Variants in WDR35 observed in about 807,000 individuals in gnomAD.
WDR35 encodes WD repeat domain 35, also known as WD repeat-containing protein 35.
WDR35 carries 118 observed loss-of-function variants against 158.3 expected under a neutral mutation model. The observed-to-expected ratio is 0.75, with a 90% CI of 0.64 to 0.87. The LOEUF (loss-of-function observed/expected upper bound fraction) is 0.87. WDR35 is among the 40% of genes least tolerant of loss of function. The pLI, the probability that WDR35 is intolerant of heterozygous loss-of-function variation, is 0.00. For missense variants in WDR35, 1,263 were observed against 1,405.8 expected, an observed-to-expected ratio of 0.90 and a Z score of 1.62; for synonymous variants, 448 against 476.1, an observed-to-expected ratio of 0.94 and a Z score of 0.77.
chr2:19,931,954 T>C (rs1467703743), intron 23 of WDR35, among the ~76,000 whole-genome samples: 1 of 152,152 alleles, frequency 6.6e-6, no homozygotes, highest in African/African-American at 2.4e-5. Flanking sequence ...AACTTGTACA[T>C]TTAAAAGAAC....
At position 19,978,799 on chromosome 2, in the gene WDR35, T is replaced by C. The variant is rs1672292696; in HGVS notation, c.388A>G (p.Ile130Val). 1.2e-6 allele frequency: 2 copies of C among 1,613,916 alleles called. No individual in the cohort carries two copies. Among genetic ancestry groups the C allele is most frequent in the African/African-American group, 2.7e-5 (2 of 75,042 alleles). The change falls in exon 5 of 27, where the codon ATC (isoleucine) becomes GTC (valine). Residue 130 changes from isoleucine (I) to valine (V), a missense_variant. Ile to Val is a conservative substitution (Grantham distance 29, BLOSUM62 3). Coordinates refer to ENST00000281405, the MANE Select transcript of WDR35 (RefSeq NM_020779.4). The part of the protein sequence containing the change: ...SMSWNADGQK[I>V]CIVYEDGAVI... The stretch of plus-strand genomic sequence containing the variant: ...GCCCCATCTTCATATACAATGCAGA[T>C]CTTCTGTCCGTCAGCATTCCAGCTC...
At chr2:19,962,058 C>T (rs532203293) in intron 10 of WDR35, among the ~76,000 whole-genome samples, 3 of 152,282 alleles carry the variant, frequency 2.0e-5, no homozygotes, top group Admixed American at 6.5e-5. Flanking sequence ...ATTCCCAGGA[C>T]CCTCAGTTCT....
rs1553325126 is a variant in WDR35 at position 19,985,896 on chromosome 2, C to CG, written c.142+3268dup. Among the ~76,000 whole-genome samples, 159 of 59,806 alleles carry CG rather than the reference C, an allele frequency of 2.7e-3. 1 individual carries two copies. Among genetic ancestry groups the CG allele is most frequent in the African/African-American group, 7.9e-3 (115 of 14,562 alleles). 39.2% of individuals were successfully genotyped at this position (59,806 alleles called of 152,430 possible). Reference sequence around the variant, plus strand: ...TGGGCAACAGAGTGAGACCCCATCTCGGGAAAAAAAAAAAAAAAAAAAAAA... The same window carrying CG: ...TGGGCAACAGAGTGAGACCCCATCTCGGGGAAAAAAAAAAAAAAAAAAAAAA... On this transcript the variant is annotated intron_variant, in intron 2 of 26. Transcript: ENST00000281405.
At chr2:19,917,131 C>T (rs1279093344) in intron 25 of WDR35, among the ~76,000 whole-genome samples, 1 of 152,176 alleles carries the variant, frequency 6.6e-6, no homozygotes, top group African/African-American at 2.4e-5. Flanking sequence ...CAAACTCCAG[C>T]AGACCTGCTG....
chr2:19,958,102 C>A (rs1290359514), intron 11 of WDR35, among the ~76,000 whole-genome samples: 10 of 152,194 alleles, frequency 6.6e-5, no homozygotes, highest in Admixed American at 6.5e-4. Flanking sequence ...ATTGAAATTT[C>A]ACTGAAATGT....
intron 10 of WDR35, among the ~76,000 whole-genome samples, chr2:19,964,657 C>T (rs1387689854): frequency 2.6e-5 from 4 of 151,828 alleles, no homozygotes; most frequent in Non-Finnish European, 1.5e-5. Context: ...GTGGCCTGTT[C>T]ACTCTTTTTA....
In WDR35 at chr2:19,946,469, G is replaced by T; in HGVS notation, c.1626C>A (p.Cys542Ter). The change falls in exon 15 of 27, where the codon TGC (cysteine) becomes TGA (stop). Residue 542 changes from cysteine (C) to a stop codon, truncating the protein, a stop_gained. Coordinates refer to ENST00000281405, the MANE Select transcript of WDR35 (RefSeq NM_020779.4). LOFTEE classifies it high-confidence loss of function. The part of the protein sequence containing the change: ...NCRAYQLSLN[C>*]NSSRLAIIDI... Reference sequence around the variant, plus strand: ...AGAGTTTTCAGGCTTACCTAGAGTTGCAATTCAAGGATAACTGGTAGGCTC... The same window carrying T: ...AGAGTTTTCAGGCTTACCTAGAGTTTCAATTCAAGGATAACTGGTAGGCTC... The T allele has an allele frequency of 6.2e-7, 1 of 1,613,068 alleles. No individual in the cohort carries two copies.
At chr2:19,924,106 G>A (rs1336762554) in intron 25 of WDR35, among the ~76,000 whole-genome samples, 2 of 152,192 alleles carry the variant, frequency 1.3e-5, no homozygotes, top group African/African-American at 4.8e-5. Context: ...AGATGCACAA[G>A]TGGTCATGCA....
intron 16 of WDR35, among the ~76,000 whole-genome samples, chr2:19,943,804 T>G (rs968450888): frequency 6.6e-6 from 1 of 152,114 alleles, no homozygotes; most frequent in Admixed American, 6.6e-5. Flanking sequence ...AATATTCATC[T>G]CCTAATTCTC....
chr2:19,978,192 A>G (rs1672269505), intron 5 of WDR35, among the ~76,000 whole-genome samples: 1 of 142,716 alleles, frequency 7.0e-6, no homozygotes, highest in East Asian at 2.3e-4. Context: ...ACACACACAC[A>G]CAGACACACA....
At chr2:19,949,196 A>G (rs577442720) in intron 13 of WDR35, among the ~76,000 whole-genome samples, 2 of 152,330 alleles carry the variant, frequency 1.3e-5, no homozygotes, top group South Asian at 4.1e-4. Flanking sequence ...TTAATAAAAA[A>G]TTTTAAAAAC....
At chr2:19,959,944 G>T (rs1160379134) in intron 11 of WDR35, among the ~76,000 whole-genome samples, 1 of 152,024 alleles carries the variant, frequency 6.6e-6, no homozygotes, top group African/African-American at 2.4e-5. Context: ...CTTAGAATAA[G>T]ATTTGGAATT....
chr2:19,968,509 A>C (rs1444298894), intron 9 of WDR35, among the ~76,000 whole-genome samples: 2 of 152,182 alleles, frequency 1.3e-5, no homozygotes. Context: ...GGTCACAATA[A>C]AATAATACAT....
At chr2:19,929,123 T>A (rs1053908774) in intron 25 of WDR35, among the ~76,000 whole-genome samples, 1 of 152,208 alleles carries the variant, frequency 6.6e-6, no homozygotes, top group Non-Finnish European at 1.5e-5. Context: ...GATACTATTA[T>A]CCTTTCTTTA....
chr2:19,971,738 T>C (rs1672039499), intron 8 of WDR35, among the ~76,000 whole-genome samples: 1 of 152,174 alleles, frequency 6.6e-6, no homozygotes, highest in South Asian at 2.1e-4. Flanking sequence ...TACAGTACTC[T>C]TGGTATTGAC....
chr2:19,934,165 C>T lies in WDR35; in HGVS notation c.2548-654G>A, dbSNP rs1281514356. 6.6e-6 allele frequency among the ~76,000 whole-genome samples: 1 copy of T among 151,908 alleles called. No individual in the cohort carries two copies. The highest frequency in any genetic ancestry group is 1.5e-5 in the Non-Finnish European group (1 of 68,006). On this transcript the variant is annotated intron_variant, in intron 21 of 26. Transcript: ENST00000281405. This position sits in a 1 kb window ranked among gnomAD's most constrained non-coding sequence, Gnocchi z 4.6. Reference sequence around the variant, plus strand: ...ATATCTAATTAGCCAGAGGTTTTCCCTCCCCAACCCTTCTACAATATGTTT... The same window carrying T: ...ATATCTAATTAGCCAGAGGTTTTCCTTCCCCAACCCTTCTACAATATGTTT...
chr2:19,984,056 CCCACAT>C, intron 2 of WDR35, among the ~76,000 whole-genome samples: 1 of 40,388 alleles, frequency 2.5e-5, no homozygotes, highest in East Asian at 1.6e-3. Context: ...TATACACACA[CCCACAT>C]ATTCTGATGT....
rs969803494 is a variant in WDR35, at chr2:19,933,251, G to T, written c.2658+150C>A. On this transcript the variant is annotated intron_variant, in intron 22 of 26. Transcript: ENST00000281405. Reference sequence around the variant, plus strand: ...TTCATCCTCAATTAAGAGAATACCCGCCTGGCTCCTTTCATAAAATTCACG... The same window carrying T: ...TTCATCCTCAATTAAGAGAATACCCTCCTGGCTCCTTTCATAAAATTCACG... 3 of 702,434 alleles carry T rather than the reference G, an allele frequency of 4.3e-6. No homozygotes were observed. The Admixed American group carries it at 6.4e-5, about 15-fold the overall frequency. The allele number at this position is 702,434 out of a possible 1,614,324, so 43.5% of individuals were successfully genotyped here. A position where few individuals can be genotyped will look rare whatever the true frequency, so the allele number is the denominator to read the frequency against.
chr2:19,927,220 ACACAGC>A (rs1346188887), intron 25 of WDR35, among the ~76,000 whole-genome samples: 7 of 152,330 alleles, frequency 4.6e-5, no homozygotes, highest in Middle Eastern at 6.8e-3. Flanking sequence ...TGATGCTGTT[ACACAGC>A]TTTCTGATCT....
Sources: allele counts gnomAD v4.1 joint callset (sites outside exome capture counted in the v4.1 genomes callset), GRCh38; gene constraint gnomAD v4.1.1; non-coding constraint Gnocchi (gnomAD v3.1); transcripts MANE v1.5; gene names NCBI Gene and HGNC (gene_info 2026-07-23, HGNC 2026-07-21).